MLYCD: variants seen among roughly 807,000 people sequenced by gnomAD.
MLYCD encodes malonyl-CoA decarboxylase, also known as malonyl-CoA decarboxylase, mitochondrial.
In MLYCD, 27 loss-of-function variants were observed where a neutral mutation model predicts 35.8. That is an observed-to-expected ratio of 0.75 (90% CI 0.56 to 1.04). The LOEUF (loss-of-function observed/expected upper bound fraction) is 1.04, where lower values mean the gene tolerates loss of function less well. Among genes scored for constraint, MLYCD ranks in the 50% least tolerant of loss-of-function variants. The pLI is 0.00. For synonymous variants in MLYCD, 403 were observed against 302.4 expected (o/e 1.33, Z -3.45); for missense variants, 917 against 665.1 (o/e 1.38, Z -4.17).
Position 83,912,319 on chromosome 16 carries a change from G to T in MLYCD, c.900G>T (p.Gly300=). ...SISLTQQGLQ[G]VELGTFLIKR... is the part of the protein sequence containing the mutation. ...GCTTGACCCAGCAGGGACTCCAAGG[G>T]GTGGAGCTGGGAACATTCCTCATAA... The change falls in exon 4 of 5, where the codon GGG becomes GGT. Residue 300 remains glycine, a synonymous_variant. Transcript: ENST00000262430. The T allele has an allele frequency of 6.2e-7, 1 of 1,614,212 alleles. No homozygotes were observed. Among genetic ancestry groups the T allele is most frequent in the Non-Finnish European group, 8.5e-7 (1 of 1,180,046 alleles).
rs1486942053 is a variant in MLYCD at position 83,916,200 on chromosome 16, G to C, written c.*711G>C. 1 of 987,986 alleles carries C rather than the reference G, an allele frequency of 1.0e-6. No individual in the cohort carries two copies. The highest frequency in any genetic ancestry group is 1.7e-5 in the African/African-American group (1 of 57,246). The allele number at this position is 987,986 out of a possible 1,614,324, so 61.2% of individuals were successfully genotyped here. A position where few individuals can be genotyped will look rare whatever the true frequency, so the allele number is the denominator to read the frequency against. On this transcript the variant is annotated 3_prime_UTR_variant, in exon 5 of 5. Coordinates refer to ENST00000262430, the MANE Select transcript of MLYCD (RefSeq NM_012213.3). ...GCATTGAACATCTGATTGTGTAGTG[G>C]TGGTCGTCTTTAAGATTAGAGACCT...
chr16:83,915,423 G>C lies in MLYCD; in HGVS notation c.1416G>C (p.Lys472Asn). Residue 472 changes from lysine to asparagine, a missense_variant, in exon 5 of 5, where the codon AAG becomes AAC. Transcript: ENST00000262430. ...GPNSTSYLGS[K>N]IIKASEQVLS... is the part of the protein sequence containing the mutation. ...ACAGCACCTCCTACCTCGGCTCCAA[G>C]ATCATCAAAGCCTCTGAGCAGGTCC... The C allele has an allele frequency of 6.2e-7, 1 of 1,613,758 alleles. No homozygotes were observed. The highest frequency in any genetic ancestry group is 8.5e-7 in the Non-Finnish European group (1 of 1,180,050).
Position 83,912,408 on chromosome 16 carries a change from G to A in MLYCD, c.948+41G>A, listed in dbSNP as rs201765260. ...GGAGCCCCGGTCACGCTTGGCTTCCGTGTGGTCAGGTCAGCGAACCTCGTG... is the reference window on the plus strand; with the variant it reads ...GGAGCCCCGGTCACGCTTGGCTTCCATGTGGTCAGGTCAGCGAACCTCGTG... On this transcript the variant is annotated intron_variant, in intron 4 of 4. Coordinates refer to ENST00000262430, the MANE Select transcript of MLYCD (RefSeq NM_012213.3). 2.1e-4 allele frequency: 345 copies of A among 1,613,132 alleles called. No homozygotes were observed. The African/African-American group carries it at 3.8e-3, about 18-fold the overall frequency.
chr16:83,908,141 T>A lies in MLYCD; in HGVS notation c.657T>A (p.His219Gln), dbSNP rs372438244. 3 of 1,614,250 alleles carry A rather than the reference T, an allele frequency of 1.9e-6. No individual in the cohort carries two copies. The highest frequency in any genetic ancestry group is 2.5e-6 in the Non-Finnish European group (3 of 1,180,034). The change falls in exon 3 of 5, where the codon CAT becomes CAA. Residue 219 changes from histidine to glutamine, a missense_variant. Transcript: ENST00000262430. ...LQKISEAEAV[H>Q]PVKNWMDMKR... is the part of the protein sequence containing the mutation. Reference sequence around the variant, plus strand: ...TCCGCCCCAGGGCTGAGGCTGTGCATCCTGTAAAAAACTGGATGGACATGA... The same window carrying A: ...TCCGCCCCAGGGCTGAGGCTGTGCAACCTGTAAAAAACTGGATGGACATGA...
chr16:83,900,025 A>G (rs1196370232), intron 1 of MLYCD, among the ~76,000 whole-genome samples: 1 of 152,218 alleles, frequency 6.6e-6, no homozygotes, highest in East Asian at 1.9e-4. Context: ...TTTCATCTAT[A>G]TGGTATACCT....
chr16:83,915,936 G>C lies in MLYCD; in HGVS notation c.*447G>C, dbSNP rs1325564454. 1 of 1,073,428 alleles carries C rather than the reference G, an allele frequency of 9.3e-7. No homozygotes were observed. The highest frequency in any genetic ancestry group is 1.6e-5 in the African/African-American group (1 of 61,276). 66.5% of individuals were successfully genotyped at this position (1,073,428 alleles called of 1,614,324 possible). On this transcript the variant is annotated 3_prime_UTR_variant, in exon 5 of 5. Coordinates refer to ENST00000262430, the MANE Select transcript of MLYCD (RefSeq NM_012213.3). The stretch of plus-strand genomic sequence containing the variant: ...ACAGAATGCGGCGATGGTTGCTTTA[G>C]CCGTTTCTCACCATGCAATGCAGAG...
chr16:83,912,088 G>A (rs1907199109), intron 3 of MLYCD, 130 bp from the exon 4 acceptor site: 3 of 1,347,102 alleles, frequency 2.2e-6, no homozygotes, highest in Non-Finnish European at 3.2e-6. Context: ...CTGAACCCCA[G>A]CTGGGGAGCC....
intron 3 of MLYCD, chr16:83,911,794 T>A (rs890335196): frequency 1.3e-5 from 3 of 228,578 alleles, no homozygotes; most frequent in African/African-American, 6.8e-5. Context: ...GGAAAAACAA[T>A]TCAGTGGTGG....
chr16:83,908,375 CTTT>C (rs558316423), intron 3 of MLYCD, 93 bp downstream of exon 3: 209 of 1,173,650 alleles, frequency 1.8e-4, no homozygotes, highest in Middle Eastern at 3.0e-4. Context: ...TTTTATCCTC[CTTT>C]TTTTTTTTTT....
rs1338966421 is a variant in MLYCD, at chr16:83,907,031, C to T, written c.573C>T (p.Ser191=). The part of the protein sequence containing the change: ...VLKGMLSEWF[S]SGFLNLERVT... ...AAGGAATGCTCTCAGAATGGTTTTCCTCCGGGTTCCTGAACCTAGAACGGG... is the reference window on the plus strand; with the variant it reads ...AAGGAATGCTCTCAGAATGGTTTTCTTCCGGGTTCCTGAACCTAGAACGGG... Residue 191 remains serine, a synonymous_variant, in exon 2 of 5, where the codon TCC becomes TCT. Coordinates refer to ENST00000262430, the MANE Select transcript of MLYCD (RefSeq NM_012213.3). 2 of 1,614,144 alleles carry T rather than the reference C, an allele frequency of 1.2e-6. No individual in the cohort carries two copies. Among genetic ancestry groups the T allele is most frequent in the South Asian group, 2.2e-5 (2 of 91,080 alleles).
At chr16:83,908,922 A>G (rs151180081) in intron 3 of MLYCD, among the ~76,000 whole-genome samples, 7 of 152,340 alleles carry the variant, frequency 4.6e-5, no homozygotes, top group Admixed American at 2.0e-4. Flanking sequence ...CCCCTGGGGC[A>G]TTGCAGGTTT....
Position 83,915,660 on chromosome 16 carries a change from G to A in MLYCD, c.*171G>A. On this transcript the variant is annotated 3_prime_UTR_variant, in exon 5 of 5. Transcript: ENST00000262430. ...CCAGGCCTCAACTTCCCTCACCCTG[G>A]GCGTGACATGCACCCAGTGCAAGAC... 2.0e-6 allele frequency: 3 copies of A among 1,500,146 alleles called. No homozygotes were observed. Among genetic ancestry groups the A allele is most frequent in the African/African-American group, 1.4e-5 (1 of 72,330 alleles). 92.9% of individuals were successfully genotyped at this position (1,500,146 alleles called of 1,614,324 possible). A position where few individuals can be genotyped will look rare whatever the true frequency, so the allele number is the denominator to read the frequency against.
intron 1 of MLYCD, among the ~76,000 whole-genome samples, chr16:83,906,232 CAAAA>C (rs61412809): frequency 0.032 from 4,786 of 151,110 alleles, 152 homozygotes; most frequent in African/African-American, 0.085. Context: ...ACAAAAAAGA[CAAAA>C]AAAAATTATC....
chr16:83,908,639 G>A (rs1208256861), intron 3 of MLYCD, among the ~76,000 whole-genome samples: 2 of 152,226 alleles, frequency 1.3e-5, no homozygotes, highest in African/African-American at 4.8e-5. Context: ...TTTGTTAAAT[G>A]CCTGTGGGGA....
chr16:83,899,718 T>G, intron 1 of MLYCD, 46 bp downstream of exon 1: 1 of 1,478,614 alleles, frequency 6.8e-7, no homozygotes, highest in Non-Finnish European at 8.9e-7. Context: ...CTGGCCGCCC[T>G]CCTCGAGTAG....
intron 1 of MLYCD, among the ~76,000 whole-genome samples, chr16:83,902,415 T>G (rs930224554): frequency 6.6e-6 from 1 of 151,652 alleles, no homozygotes; most frequent in Non-Finnish European, 1.5e-5. Context: ...GATTGTTCTG[T>G]ACCTATAAAC....
rs1291575107 is a variant in MLYCD, at chr16:83,915,934, T to C, written c.*445T>C. On this transcript the variant is annotated 3_prime_UTR_variant, in exon 5 of 5. Coordinates refer to ENST00000262430, the MANE Select transcript of MLYCD (RefSeq NM_012213.3). ...AAACAGAATGCGGCGATGGTTGCTT[T>C]AGCCGTTTCTCACCATGCAATGCAG... 9.3e-7 allele frequency: 1 copy of C among 1,073,108 alleles called. No individual in the cohort carries two copies. The highest frequency in any genetic ancestry group is 6.9e-5 in the East Asian group (1 of 14,394). The allele number at this position is 1,073,108 out of a possible 1,614,324, so 66.5% of individuals were successfully genotyped here. A position where few individuals can be genotyped will look rare whatever the true frequency, so the allele number is the denominator to read the frequency against.
chr16:83,909,518 A>G (rs139005004), intron 3 of MLYCD, among the ~76,000 whole-genome samples: 41 of 152,114 alleles, frequency 2.7e-4, no homozygotes, highest in African/African-American at 9.9e-4. Flanking sequence ...TATGAATAAT[A>G]TTAATAATAT....
chr16:83,915,336 C>T lies in MLYCD; in HGVS notation c.1329C>T (p.Gly443=), dbSNP rs1240849577. The T allele has an allele frequency of 4.3e-6, 7 of 1,613,798 alleles. No homozygotes were observed. The highest frequency in any genetic ancestry group is 4.2e-6 in the Non-Finnish European group (5 of 1,180,042). ...INWMADVSLR[G]ITGSCGLMAN... ...GGATGGCGGATGTGAGCCTCAGAGG[C>T]ATCACCGGCTCCTGCGGCCTGATGG... Residue 443 remains glycine (G), a synonymous_variant, in exon 5 of 5, where the codon GGC becomes GGT. Transcript: ENST00000262430.
Sources: gnomAD v4.1 joint callset for allele counts (sites outside exome capture counted in the v4.1 genomes callset) on GRCh38, gnomAD v4.1.1 for gene constraint, MANE v1.5 for transcripts, NCBI Gene and HGNC (gene_info 2026-07-23, HGNC 2026-07-21) for gene names.